CNST: variants seen among roughly 807,000 people sequenced by gnomAD.
The protein encoded by CNST is consortin.
In CNST, 39 loss-of-function variants were observed where a neutral mutation model predicts 72.4. The observed-to-expected ratio is 0.54, with a 90% CI of 0.42 to 0.70. CNST has a LOEUF of 0.70. Ranked by LOEUF, CNST falls within the 30% of genes least tolerant of loss-of-function variation. The pLI is 0.00. For missense variants in CNST, 871 were observed against 868.5 expected, an observed-to-expected ratio of 1.00 and a Z score of -0.04; for synonymous variants, 332 against 320.1, an observed-to-expected ratio of 1.04 and a Z score of -0.40.
Position 246,647,769 on chromosome 1 carries a change from T to C in CNST, c.1568T>C (p.Leu523Pro), listed in dbSNP as rs999467411. ...NNQISDLGILLPEVCMAPEEK... is the reference protein window; with the variant it reads ...NNQISDLGILPPEVCMAPEEK... ...CAAATATCTGACTTAGGCATACTGC[T>C]TCCAGAGGTGTGTATGGCCCCAGAG... The change falls in exon 9 of 11, where the codon CTT becomes CCT. Residue 523 changes from leucine to proline, a missense_variant. Coordinates refer to ENST00000366513, the MANE Select transcript of CNST (RefSeq NM_152609.3). The C allele has an allele frequency of 1.2e-6, 2 of 1,614,076 alleles. No homozygotes were observed. Among genetic ancestry groups the C allele is most frequent in the African/African-American group, 2.7e-5 (2 of 74,936 alleles).
intron 2 of CNST, among the ~76,000 whole-genome samples, chr1:246,599,423 AG>A (rs1662115990): frequency 6.6e-6 from 1 of 152,102 alleles, no homozygotes. Context: ...CGGATTCTAG[AG>A]GCTTCCCACA....
In CNST at chr1:246,566,538, C is replaced by T. The variant is rs974560161; in HGVS notation, c.-177C>T. ...CGGGGCGGAAAGGCGAGAGGTGTCT[C>T]CTCCACCGGAGCCAGGGGAGACCCG... On this transcript the variant is annotated 5_prime_UTR_variant, in exon 1 of 11. Coordinates refer to ENST00000366513, the MANE Select transcript of CNST (RefSeq NM_152609.3). 5 of 426,914 alleles carry T rather than the reference C, an allele frequency of 1.2e-5. No homozygotes were observed. The highest frequency in any genetic ancestry group is 4.0e-5 in the African/African-American group (2 of 49,670). 26.4% of individuals were successfully genotyped at this position (426,914 alleles called of 1,614,324 possible).
intron 8 of CNST, among the ~76,000 whole-genome samples, chr1:246,643,836 A>G (rs150441583): frequency 1.7e-3 from 254 of 152,314 alleles, no homozygotes; most frequent in African/African-American, 5.8e-3. Context: ...GCCTTTTCCA[A>G]AATTATGGTG....
At chr1:246,580,922 G>A (rs893297433) in intron 1 of CNST, among the ~76,000 whole-genome samples, 9 of 151,910 alleles carry the variant, frequency 5.9e-5, no homozygotes, top group Admixed American at 2.0e-4. Context: ...TGTATTTTCA[G>A]TAGACGGGAT....
At chr1:246,575,954 G>A (rs144617982) in intron 1 of CNST, among the ~76,000 whole-genome samples, 76 of 151,860 alleles carry the variant, frequency 5.0e-4, no homozygotes, top group African/African-American at 1.7e-3. Context: ...CTCTGGGCGC[G>A]GTGGCTCGCG....
intron 1 of CNST, among the ~76,000 whole-genome samples, chr1:246,579,435 G>C (rs534560385): frequency 1.5e-3 from 224 of 152,314 alleles, no homozygotes; most frequent in African/African-American, 3.7e-3. Flanking sequence ...TGAACTCTTA[G>C]TGCTATGCAT....
chr1:246,647,809 A>C lies in CNST; in HGVS notation c.1608A>C (p.Lys536Asn). Reference sequence around the variant, plus strand: ...TGGCCCCAGAGGAAAAGGGAGATAAAGACGACCAACTCAACAAAGAAACAG... The same window carrying C: ...TGGCCCCAGAGGAAAAGGGAGATAACGACGACCAACTCAACAAAGAAACAG... Reference protein sequence around the residue: ...VCMAPEEKGDKDDQLNKETED... With the variant: ...VCMAPEEKGDNDDQLNKETED... The change falls in exon 9 of 11, where the codon AAA becomes AAC. Residue 536 changes from lysine to asparagine, a missense_variant. Coordinates refer to ENST00000366513, the MANE Select transcript of CNST (RefSeq NM_152609.3). 6.2e-7 allele frequency: 1 copy of C among 1,614,226 alleles called. No homozygotes were observed. Among genetic ancestry groups the C allele is most frequent in the Non-Finnish European group, 8.5e-7 (1 of 1,180,034 alleles).
At chr1:246,629,845 C>T (rs886774071) in intron 3 of CNST, among the ~76,000 whole-genome samples, 5 of 152,164 alleles carry the variant, frequency 3.3e-5, no homozygotes, top group African/African-American at 1.2e-4. Flanking sequence ...GATTCTTCTG[C>T]CTCAGCCTCC....
chr1:246,636,744 A>G (rs533427999), intron 6 of CNST, among the ~76,000 whole-genome samples: 2 of 152,274 alleles, frequency 1.3e-5, no homozygotes, highest in South Asian at 4.1e-4. Flanking sequence ...ATACTCCTAG[A>G]TTTTTTACTT....
chr1:246,585,706 C>CT (rs1269990431), intron 1 of CNST, among the ~76,000 whole-genome samples: 6 of 127,794 alleles, frequency 4.7e-5, no homozygotes, highest in African/African-American at 9.9e-5. Context: ...CACACACACA[C>CT]ACACACTATA....
At chr1:246,594,858 AC>A (rs1661773725) in intron 2 of CNST, among the ~76,000 whole-genome samples, 1 of 152,142 alleles carries the variant, frequency 6.6e-6, no homozygotes, top group Non-Finnish European at 1.5e-5. Context: ...AGCAGTCTCT[AC>A]CTTGTTGTTG....
At chr1:246,642,404 A>C (rs1301619892) in intron 8 of CNST, among the ~76,000 whole-genome samples, 2 of 152,136 alleles carry the variant, frequency 1.3e-5, no homozygotes, top group African/African-American at 4.8e-5. Flanking sequence ...TTTAAAAACC[A>C]ACAGTTATTG....
At chr1:246,586,259 TAA>T (rs1022488417) in intron 1 of CNST, among the ~76,000 whole-genome samples, 8 of 147,666 alleles carry the variant, frequency 5.4e-5, no homozygotes, top group African/African-American at 2.0e-4. Flanking sequence ...ATATTATATA[TAA>T]AGCTATATAT....
At chr1:246,615,320 C>T (rs1440445478) in intron 2 of CNST, among the ~76,000 whole-genome samples, 5 of 152,016 alleles carry the variant, frequency 3.3e-5, no homozygotes, top group East Asian at 3.9e-4. Flanking sequence ...GGACTACAGG[C>T]GCGTGCCACC....
chr1:246,659,814 A>T (rs370896118), intron 9 of CNST, among the ~76,000 whole-genome samples: 4 of 152,242 alleles, frequency 2.6e-5, no homozygotes, highest in East Asian at 3.8e-4. Context: ...GTGGAGGATT[A>T]TAAGCATTTA....
intron 6 of CNST, among the ~76,000 whole-genome samples, chr1:246,637,483 G>A (rs1383713130): frequency 6.6e-6 from 1 of 152,222 alleles, no homozygotes; most frequent in African/African-American, 2.4e-5. Flanking sequence ...GATGGCGGAG[G>A]CCCTAAGACA....
Position 246,625,414 on chromosome 1 carries a change from CTTTTTTTTTT to C in CNST, c.585+3796_585+3805del, listed in dbSNP as rs61588900. ...TCAGGATTTGTCTAATTATTTCTTT[CTTTTTTTTTT>C]TTTTTTTTTTTTTTTGAGATGGGGT... On this transcript the variant is annotated intron_variant, in intron 3 of 10. Coordinates refer to ENST00000366513, the MANE Select transcript of CNST (RefSeq NM_152609.3). 7.1e-5 allele frequency among the ~76,000 whole-genome samples: 4 copies of C among 56,108 alleles called. No homozygotes were observed. The Admixed American group carries it at 8.7e-4, about 12-fold the overall frequency. 36.8% of individuals were successfully genotyped at this position (56,108 alleles called of 152,430 possible).
chr1:246,660,372 T>C (rs757269333), intron 10 of CNST, 38 bp downstream of exon 10: 1 of 1,592,532 alleles, frequency 6.3e-7, no homozygotes, highest in Non-Finnish European at 8.5e-7. Context: ...GGATAGATGC[T>C]CAGTGTTTGC....
intron 9 of CNST, among the ~76,000 whole-genome samples, chr1:246,656,416 AT>A (rs1244175979): frequency 1.3e-5 from 2 of 152,044 alleles, no homozygotes; most frequent in Non-Finnish European, 2.9e-5. Flanking sequence ...GCCAGATGGA[AT>A]TTTTTTTAAT....
Sources: gnomAD v4.1 joint callset for allele counts (sites outside exome capture counted in the v4.1 genomes callset) on GRCh38, gnomAD v4.1.1 for gene constraint, MANE v1.5 for transcripts, NCBI Gene and HGNC (gene_info 2026-07-23, HGNC 2026-07-21) for gene names.